Variants in CYP2R1 observed in about 807,000 individuals in gnomAD.
The protein encoded by CYP2R1 is cytochrome P450 family 2 subfamily R member 1.
A neutral mutation model predicts 45.7 loss-of-function variants in CYP2R1; 40 were observed. That is an observed-to-expected ratio of 0.87 (90% CI 0.68 to 1.14). CYP2R1 has a LOEUF of 1.14. Among genes scored for constraint, CYP2R1 ranks in the 50% most tolerant of loss-of-function variants. The probability of loss-of-function intolerance (pLI) is 0.00; values close to 1 mark genes in which losing one functional copy is unlikely to be tolerated. For missense variants in CYP2R1, 605 were observed against 602.6 expected (o/e 1.00, Z -0.04); for synonymous variants, 234 against 219.3 (o/e 1.07, Z -0.59).
chr11:14,891,603 A>C, intron 1 of CYP2R1: 1 of 1,062,488 alleles, frequency 9.4e-7, no homozygotes, highest in African/African-American at 1.7e-5. Context: ...CAGAGCTGCG[A>C]GGCCGACTCG....
intron 2 of CYP2R1, among the ~76,000 whole-genome samples, chr11:14,883,832 T>C (rs1245758833): frequency 6.6e-6 from 1 of 151,746 alleles, no homozygotes; most frequent in Non-Finnish European, 1.5e-5. Flanking sequence ...TCAAACAAAT[T>C]TACAAGAAAA....
Position 14,880,181 on chromosome 11 carries a change from G to A in CYP2R1, c.955C>T (p.Leu319=), listed in dbSNP as rs782603852. The A allele has an allele frequency of 6.2e-7, 1 of 1,612,908 alleles. No individual in the cohort carries two copies. The highest frequency in any genetic ancestry group is 8.5e-7 in the Non-Finnish European group (1 of 1,179,302). ...GCCATGAAAAGAATCGCCCACCGTA[G>A]CACATTGGTTGTAGTTTCAGTTCCA... The part of the protein sequence containing the change: ...IAGTETTTNV[L]RWAILFMALY... The change falls in exon 3 of 5, where the codon CTA becomes TTA. Residue 319 remains leucine, a synonymous_variant. Coordinates refer to ENST00000334636, the MANE Select transcript of CYP2R1 (RefSeq NM_024514.5).
intron 2 of CYP2R1, among the ~76,000 whole-genome samples, chr11:14,882,300 T>C (rs535261729): frequency 6.6e-6 from 1 of 152,080 alleles, no homozygotes; most frequent in Non-Finnish European, 1.5e-5. Context: ...TAAAAAGATA[T>C]AGGGTAGTCA....
At chr11:14,878,603 A>T (rs1426207007) in intron 4 of CYP2R1, among the ~76,000 whole-genome samples, 4 of 152,076 alleles carry the variant, frequency 2.6e-5, no homozygotes, top group Non-Finnish European at 5.9e-5. Flanking sequence ...GAGGTGAGAC[A>T]TTTTGCTCAA....
chr11:14,877,975 GCTCTAGT>G lies in CYP2R1; in HGVS notation c.*140_*146del. 1.3e-6 allele frequency: 1 copy of G among 773,004 alleles called. No homozygotes were observed. The highest frequency in any genetic ancestry group is 2.1e-6 in the Non-Finnish European group (1 of 475,392). The allele number at this position is 773,004 out of a possible 1,614,324, so 47.9% of individuals were successfully genotyped here. A position where few individuals can be genotyped will look rare whatever the true frequency, so the allele number is the denominator to read the frequency against. On this transcript the variant is annotated 3_prime_UTR_variant, in exon 5 of 5. Coordinates refer to ENST00000334636, the MANE Select transcript of CYP2R1 (RefSeq NM_024514.5). ...ACAATCACGACTAGTGCTTGTTTCT[GCTCTAGT>G]ACTATTTTAAGACACATCTGTGTTC...
upstream of CYP2R1, chr11:14,892,402 G>A (rs1848898426): frequency 9.7e-6 from 6 of 618,806 alleles, no homozygotes; most frequent in Non-Finnish European, 1.7e-5. Context: ...ACTTTGCGGA[G>A]CGGGTGGCCG....
intron 3 of CYP2R1, among the ~76,000 whole-genome samples, chr11:14,879,726 T>C (rs1196144960): frequency 1.3e-5 from 2 of 152,166 alleles, no homozygotes; most frequent in Non-Finnish European, 2.9e-5. Flanking sequence ...ATATATGCTA[T>C]ATATCTTGTT....
chr11:14,885,806 GA>G lies in CYP2R1; in HGVS notation c.336del (p.Pro113LeufsTer4). 6.2e-7 allele frequency: 1 copy of G among 1,613,114 alleles called. No individual in the cohort carries two copies. Among genetic ancestry groups the G allele is most frequent in the Non-Finnish European group, 8.5e-7 (1 of 1,179,756 alleles). The part of the protein sequence containing the change: ...QSEIFADRPC[L>X]PLFMKMTKMG... ...ATTTTTGTCATCTTCATGAATAAAG[GA>G]AGGCATGGTCTGTCTGCAAAAATTT... is the stretch of plus-strand genomic sequence containing the variant. On this transcript the variant is annotated frameshift_variant, in exon 2 of 5. Transcript: ENST00000334636.
chr11:14,879,388 C>A lies in CYP2R1; in HGVS notation c.1056G>T (p.Trp352Cys). Residue 352 changes from tryptophan (W) to cysteine (C), a missense_variant, in exon 4 of 5, where the codon TGG (tryptophan) becomes TGT (cysteine). Coordinates refer to ENST00000334636, the MANE Select transcript of CYP2R1 (RefSeq NM_024514.5). ...TATAAGGCATTTTGCATTTGTCGTC[C>A]CAAGAAGGCTTCCCATTAGGGCCCA... The part of the protein sequence containing the change: ...LIMGPNGKPS[W>C]DDKCKMPYTE... 1 of 1,609,096 alleles carries A rather than the reference C, an allele frequency of 6.2e-7. No homozygotes were observed. The highest frequency in any genetic ancestry group is 8.5e-7 in the Non-Finnish European group (1 of 1,179,428).
At chr11:14,890,388 G>A (rs1290841255) in intron 1 of CYP2R1, 3 of 762,922 alleles carry the variant, frequency 3.9e-6, no homozygotes, top group Non-Finnish European at 4.8e-6. Context: ...CTCAATTCTG[G>A]GAGAATTGCA....
intron 1 of CYP2R1, among the ~76,000 whole-genome samples, chr11:14,889,381 A>C (rs782737769): frequency 1.8e-4 from 27 of 152,196 alleles, no homozygotes; most frequent in African/African-American, 5.8e-4. Context: ...ATAATGGGAG[A>C]TCTTTAGAGA....
rs1555011647 is a variant in CYP2R1 at position 14,880,383 on chromosome 11, A to C, written c.753T>G (p.Ala251=). Residue 251 remains alanine (A), a synonymous_variant, in exon 3 of 5, where the codon GCT becomes GCG. Transcript: ENST00000334636. ...GKHQQLFRNA[A]VVYDFLSRLI... is the part of the protein sequence containing the mutation. The stretch of plus-strand genomic sequence containing the variant: ...GTCTGGAGAGAAAATCATAGACTAC[A>C]GCTGCATTTCTAAACAGCTGTTGAT... 1.2e-6 allele frequency: 2 copies of C among 1,613,458 alleles called. No homozygotes were observed. Among genetic ancestry groups the C allele is most frequent in the African/African-American group, 2.7e-5 (2 of 75,022 alleles).
intron 1 of CYP2R1, chr11:14,891,236 A>G (rs1555016756): frequency 1.0e-6 from 1 of 984,960 alleles, no homozygotes; most frequent in African/African-American, 1.7e-5. Flanking sequence ...GGAGGAGCGA[A>G]GTACCGACCT....
chr11:14,886,414 A>G (rs1433236137), intron 1 of CYP2R1: 2 of 162,412 alleles, frequency 1.2e-5, no homozygotes, highest in Admixed American at 1.2e-4. Context: ...TGAAGTATAA[A>G]CATATTGTAA....
chr11:14,877,691 G>T lies in CYP2R1; in HGVS notation c.*431C>A, dbSNP rs576479731. 1 of 156,420 alleles carries T rather than the reference G, an allele frequency of 6.4e-6. No individual in the cohort carries two copies. Among genetic ancestry groups the T allele is most frequent in the Non-Finnish European group, 1.4e-5 (1 of 71,108 alleles). 9.7% of individuals were successfully genotyped at this position (156,420 alleles called of 1,614,324 possible). A position where few individuals can be genotyped will look rare whatever the true frequency, so the allele number is the denominator to read the frequency against. On this transcript the variant is annotated 3_prime_UTR_variant, in exon 5 of 5. Coordinates refer to ENST00000334636, the MANE Select transcript of CYP2R1 (RefSeq NM_024514.5). Reference sequence around the variant, plus strand: ...TATTTGTGTTTTAATTTCTTCTGTAGTCCTCTATTAAACTGGACTGGTACC... The same window carrying T: ...TATTTGTGTTTTAATTTCTTCTGTATTCCTCTATTAAACTGGACTGGTACC...
rs568437141 is a variant in CYP2R1 at position 14,890,414 on chromosome 11, T to C, written c.225+1567A>G. On this transcript the variant is annotated intron_variant, in intron 1 of 4. Coordinates refer to ENST00000334636, the MANE Select transcript of CYP2R1 (RefSeq NM_024514.5). ...GAGAATTGCAGGTTGGAAAATAAGA[T>C]CTAAGAATTATACATACCTTTATTA... The C allele has an allele frequency of 9.6e-5, 92 of 960,624 alleles. No homozygotes were observed. The Admixed American group carries it at 1.1e-3, about 12-fold the overall frequency. 59.5% of individuals were successfully genotyped at this position (960,624 alleles called of 1,614,324 possible).
At chr11:14,885,716 A>C (rs1848589445) in intron 2 of CYP2R1, 60 bp downstream of exon 2, 1 of 1,562,242 alleles carries the variant, frequency 6.4e-7, no homozygotes. Context: ...TAAAACTTAA[A>C]ATAAGGAATG....
intron 4 of CYP2R1, 45 bp downstream of exon 4, chr11:14,879,058 TAATGAATTATC>T: frequency 7.2e-7 from 1 of 1,380,368 alleles, no homozygotes; most frequent in Non-Finnish European, 1.0e-6. Context: ...ATGCTGTATC[TAATGAATTATC>T]ATTATCCTTT....
intron 3 of CYP2R1, 97 bp from the exon 4 acceptor site, chr11:14,879,540 G>A (rs2134016904): frequency 2.2e-6 from 2 of 905,124 alleles, no homozygotes; most frequent in Non-Finnish European, 3.5e-6. Context: ...CCTATAACAA[G>A]CCAATAGGAT....
Sources: gnomAD v4.1 joint callset for allele counts (sites outside exome capture counted in the v4.1 genomes callset) on GRCh38, gnomAD v4.1.1 for gene constraint, MANE v1.5 for transcripts, NCBI Gene and HGNC (gene_info 2026-07-23, HGNC 2026-07-21) for gene names.